LRP1B: variants seen among roughly 807,000 people sequenced by gnomAD.
LRP1B encodes the protein LDL receptor related protein 1B.
LRP1B carries 217 observed loss-of-function variants against 556.6 expected under a neutral mutation model. That is an observed-to-expected ratio of 0.39 (90% confidence interval 0.35 to 0.44). The LOEUF is 0.44. Among genes scored for constraint, LRP1B ranks in the 20% least tolerant of loss-of-function variants. The pLI is 1.00. For synonymous variants in LRP1B, 2,047 were observed against 1,865.8 expected, an observed-to-expected ratio of 1.10 and a Z score of -2.50; for missense variants, 5,053 against 5,620.8, an observed-to-expected ratio of 0.90 and a Z score of 3.23.
intron 14 of LRP1B, among the ~76,000 whole-genome samples, chr2:141,009,853 G>A (rs572463003): frequency 3.3e-5 from 5 of 151,840 alleles, no homozygotes; most frequent in Non-Finnish European, 1.5e-5. Context: ...AAAATTTTGA[G>A]AAATTAAATT....
At chr2:141,816,619 G>A (rs536748475) in intron 1 of LRP1B, among the ~76,000 whole-genome samples, 1 of 152,040 alleles carries the variant, frequency 6.6e-6, no homozygotes, top group African/African-American at 2.4e-5. Context: ...GGCCTATTGT[G>A]GGACTGCACC....
intron 7 of LRP1B, among the ~76,000 whole-genome samples, chr2:141,156,516 T>C (rs1574135217): frequency 6.6e-6 from 1 of 151,766 alleles, no homozygotes; most frequent in Middle Eastern, 3.4e-3. Context: ...TAATCCCAGC[T>C]ACTTGGGAGG....
intron 6 of LRP1B, among the ~76,000 whole-genome samples, chr2:141,210,524 G>A (rs1012092446): frequency 1.3e-5 from 2 of 151,942 alleles, no homozygotes; most frequent in Non-Finnish European, 2.9e-5. Flanking sequence ...TATATTTCAT[G>A]ACTTATGATA....
intron 55 of LRP1B, among the ~76,000 whole-genome samples, chr2:140,496,338 T>C (rs556973519): frequency 6.6e-6 from 1 of 152,226 alleles, no homozygotes; most frequent in Admixed American, 6.5e-5. Context: ...TGGAGCTGTT[T>C]AGATAAGGCC....
At chr2:140,379,031 T>G (rs1006086503) in intron 67 of LRP1B, among the ~76,000 whole-genome samples, 2 of 152,190 alleles carry the variant, frequency 1.3e-5, no homozygotes, top group Non-Finnish European at 2.9e-5. Flanking sequence ...ATGTTTCATC[T>G]GGAAAATGAA....
At chr2:141,809,174 C>T (rs760513858) in intron 2 of LRP1B, among the ~76,000 whole-genome samples, 8 of 151,912 alleles carry the variant, frequency 5.3e-5, no homozygotes, top group Non-Finnish European at 8.8e-5. Context: ...CAAAATAAAG[C>T]GAAGCAATTC....
intron 22 of LRP1B, among the ~76,000 whole-genome samples, chr2:140,906,635 G>A (rs915055488): frequency 1.3e-5 from 2 of 151,958 alleles, no homozygotes; most frequent in Non-Finnish European, 2.9e-5. Context: ...TTGAAGAAAA[G>A]AATTTAAGCT....
intron 7 of LRP1B, among the ~76,000 whole-genome samples, chr2:141,133,938 T>G (rs1701425402): frequency 6.6e-6 from 1 of 151,932 alleles, no homozygotes; most frequent in Non-Finnish European, 1.5e-5. Context: ...TCTCAAGATC[T>G]ATGGTTTATA....
intron 2 of LRP1B, among the ~76,000 whole-genome samples, chr2:141,673,108 T>C (rs746097632): frequency 3.6e-4 from 55 of 152,208 alleles, no homozygotes; most frequent in Non-Finnish European, 6.3e-4. Flanking sequence ...CCTTCAAGAT[T>C]GGCATTCTTT....
chr2:141,846,877 T>A (rs1006268272), intron 1 of LRP1B, among the ~76,000 whole-genome samples: 2 of 151,506 alleles, frequency 1.3e-5, no homozygotes, highest in South Asian at 2.1e-4. Flanking sequence ...TAGGAAATGC[T>A]ACATTTGGAG....
chr2:142,005,799 T>C (rs1031173222), intron 1 of LRP1B, among the ~76,000 whole-genome samples: 5 of 151,388 alleles, frequency 3.3e-5, no homozygotes, highest in Admixed American at 3.3e-4. Flanking sequence ...TGGCAAGGTA[T>C]ATCCCAAATT....
chr2:140,582,664 G>A (rs892975114), intron 43 of LRP1B, among the ~76,000 whole-genome samples: 3 of 152,100 alleles, frequency 2.0e-5, no homozygotes, highest in South Asian at 2.1e-4. Flanking sequence ...ATAAAGCACC[G>A]TCTATGAGAG....
intron 86 of LRP1B, among the ~76,000 whole-genome samples, chr2:140,252,603 C>T (rs544522873): frequency 6.6e-6 from 1 of 152,078 alleles, no homozygotes; most frequent in African/African-American, 2.4e-5. Flanking sequence ...CTTTTCCTTT[C>T]TTTCTCATGC....
intron 23 of LRP1B, among the ~76,000 whole-genome samples, chr2:140,897,930 T>G (rs1573856548): frequency 6.6e-6 from 1 of 152,156 alleles, no homozygotes; most frequent in East Asian, 1.9e-4. Context: ...TGTGAGTCTG[T>G]TCTCCTAATA....
At chr2:140,868,034 T>C (rs1693006174) in intron 26 of LRP1B, 65 bp downstream of exon 26, 6 of 1,496,756 alleles carry the variant, frequency 4.0e-6, no homozygotes, top group Non-Finnish European at 5.4e-6. Context: ...GTTAGGACAC[T>C]TTCCAATGTT....
At position 141,291,875 on chromosome 2, in the gene LRP1B, A is replaced by T. The variant is rs1388963549; in HGVS notation, c.344-37234T>A. On this transcript the variant is annotated intron_variant, in intron 3 of 90. Transcript: ENST00000389484. ...TGTCTCAAAAAAAAAAAAAAAAAAA[A>T]AAAAAAAAAAAAAAACTTGTTTGGG... Among the ~76,000 whole-genome samples the T allele has an allele frequency of 2.7e-3, 240 of 89,692 alleles. 4 individuals are homozygous for T. The highest frequency in any genetic ancestry group is 6.7e-3 in the African/African-American group (222 of 33,364). The allele number at this position is 89,692 out of a possible 152,430, so 58.8% of individuals were successfully genotyped here.
chr2:140,487,736 A>C lies in LRP1B; in HGVS notation c.9124T>G (p.Leu3042Val), dbSNP rs1688527552. Reference sequence around the variant, plus strand: ...AAGTCTATAGCAATAACATTGTTTAATCCCTGAAAATAAAAAAGACTATGT... The same window carrying C: ...AAGTCTATAGCAATAACATTGTTTACTCCCTGAAAATAAAAAAGACTATGT... ...GSNYTLLKQGLNNVIAIDFDY... is the reference protein window; with the variant it reads ...GSNYTLLKQGVNNVIAIDFDY... Residue 3042 changes from leucine to valine, a missense_variant, in exon 58 of 91, where the codon TTA becomes GTA. Physicochemically the swap from Leu to Val is conservative, Grantham distance 32. Coordinates refer to ENST00000389484, the MANE Select transcript of LRP1B (RefSeq NM_018557.3). The C allele has an allele frequency of 1.3e-6, 2 of 1,516,212 alleles. No homozygotes were observed. Among genetic ancestry groups the C allele is most frequent in the Non-Finnish European group, 1.8e-6 (2 of 1,110,612 alleles). 93.9% of individuals were successfully genotyped at this position (1,516,212 alleles called of 1,614,324 possible).
chr2:141,997,259 G>A (rs1420194895), intron 1 of LRP1B, among the ~76,000 whole-genome samples: 1 of 151,954 alleles, frequency 6.6e-6, no homozygotes, highest in African/African-American at 2.4e-5. Context: ...TGATATTTGT[G>A]TTACGTTTCA....
At chr2:140,235,165 T>C (rs1361623930) in intron 89 of LRP1B, among the ~76,000 whole-genome samples, 2 of 151,136 alleles carry the variant, frequency 1.3e-5, no homozygotes, top group East Asian at 2.0e-4. Context: ...CAAGTAAGAA[T>C]TGGCATGAAT....
Sources: gnomAD v4.1 joint callset for allele counts (sites outside exome capture counted in the v4.1 genomes callset) on GRCh38, gnomAD v4.1.1 for gene constraint, MANE v1.5 for transcripts, NCBI Gene and HGNC (gene_info 2026-07-23, HGNC 2026-07-21) for gene names.